Variants in CTNNA3 observed in about 807,000 individuals in gnomAD.
CTNNA3 encodes catenin alpha 3.
Under a neutral mutation model 95.7 loss-of-function variants are expected in CTNNA3, and 76 were observed. The observed-to-expected ratio is 0.79, with a 90% CI of 0.66 to 0.96. The LOEUF is 0.96. CTNNA3 is among the 40% of genes least tolerant of loss of function. The probability of loss-of-function intolerance (pLI) is 0.00; values close to 1 mark genes in which losing one functional copy is unlikely to be tolerated. For synonymous variants in CTNNA3, 431 were observed against 374.4 expected, an observed-to-expected ratio of 1.15 and a Z score of -1.74; for missense variants, 1,191 against 1,089.8, an observed-to-expected ratio of 1.09 and a Z score of -1.31.
intron 7 of CTNNA3, among the ~76,000 whole-genome samples, chr10:67,057,215 T>C (rs1855489522): frequency 6.6e-6 from 1 of 152,180 alleles, no homozygotes; most frequent in African/African-American, 2.4e-5. Flanking sequence ...GATATACATA[T>C]AAATTGTGAA....
At chr10:66,935,210 T>C (rs1847627207) in intron 7 of CTNNA3, among the ~76,000 whole-genome samples, 1 of 152,146 alleles carries the variant, frequency 6.6e-6, no homozygotes, top group Non-Finnish European at 1.5e-5. Flanking sequence ...TAAAGGAAAC[T>C]TGTAGAATGC....
intron 13 of CTNNA3, among the ~76,000 whole-genome samples, chr10:66,231,390 C>T (rs535133211): frequency 1.4e-4 from 21 of 152,150 alleles, no homozygotes; most frequent in African/African-American, 2.7e-4. Flanking sequence ...TTTACTGAAT[C>T]GTAAAGTGCT....
chr10:66,876,800 AC>A, intron 7 of CTNNA3, among the ~76,000 whole-genome samples: 1 of 152,218 alleles, frequency 6.6e-6, no homozygotes, highest in African/African-American at 2.4e-5. Context: ...GAGGAAAAAG[AC>A]AAGAAAGAGA....
chr10:66,708,161 G>T (rs1393040420), intron 9 of CTNNA3, among the ~76,000 whole-genome samples: 2 of 151,624 alleles, frequency 1.3e-5, no homozygotes, highest in Admixed American at 6.6e-5. Flanking sequence ...CTTTCCTGGG[G>T]AGCATAGTGT....
chr10:67,521,784 G>A, intron 5 of CTNNA3, 58 bp downstream of exon 5: 26 of 1,573,950 alleles, frequency 1.7e-5, no homozygotes, highest in Non-Finnish European at 2.1e-5. Context: ...CTGACAGGCA[G>A]GATGGCAGGA....
At chr10:66,923,907 T>A (rs1846925775) in intron 7 of CTNNA3, among the ~76,000 whole-genome samples, 1 of 152,254 alleles carries the variant, frequency 6.6e-6, no homozygotes, top group Non-Finnish European at 1.5e-5. Flanking sequence ...ATGTCTGCAA[T>A]GTGCCAAGTG....
chr10:67,414,211 G>C (rs576858628), intron 5 of CTNNA3, among the ~76,000 whole-genome samples: 2 of 151,836 alleles, frequency 1.3e-5, no homozygotes, highest in South Asian at 4.1e-4. Flanking sequence ...AAAAGAAAGA[G>C]ACTATCCAAA....
chr10:66,745,895 G>A (rs957564041), intron 9 of CTNNA3, among the ~76,000 whole-genome samples: 11 of 151,812 alleles, frequency 7.2e-5, no homozygotes, highest in Non-Finnish European at 1.5e-4. Context: ...CACAGCGCCC[G>A]GCCCACAGAC....
At position 65,966,612 on chromosome 10, in the gene CTNNA3, A is replaced by G. The variant is rs1157838371; in HGVS notation, c.2400T>C (p.Ala800=). The G allele has an allele frequency of 1.2e-6, 2 of 1,613,534 alleles. No homozygotes were observed. The highest frequency in any genetic ancestry group is 1.7e-6 in the Non-Finnish European group (2 of 1,179,586). The change falls in exon 17 of 18, where the codon GCT becomes GCC. Residue 800 remains alanine (A), a splice_region_variant and synonymous_variant. Transcript: ENST00000433211. The part of the protein sequence containing the change: ...QNLGGELIMS[A]LDSVTSLIQA... The stretch of plus-strand genomic sequence containing the variant: ...CATGTAAGTGCTAGGCAGTACTCAC[A>G]GCTGACATGATGAGCTCTCCTCCCA...
intron 1 of CTNNA3, among the ~76,000 whole-genome samples, chr10:67,731,194 G>T (rs1337965722): frequency 3.3e-5 from 5 of 152,146 alleles, no homozygotes; most frequent in Non-Finnish European, 1.5e-5. Flanking sequence ...AAGTTGGAAA[G>T]CATGGTGTAG....
chr10:66,212,016 G>T (rs2088199318), intron 13 of CTNNA3, among the ~76,000 whole-genome samples: 1 of 114,770 alleles, frequency 8.7e-6, no homozygotes, highest in African/African-American at 3.5e-5. Context: ...TTGAGACAGA[G>T]TCTCACTCTT....
intron 9 of CTNNA3, among the ~76,000 whole-genome samples, chr10:66,687,184 T>A (rs7896573): frequency 0.14 from 21,479 of 152,020 alleles, 1,969 homozygotes; most frequent in African/African-American, 0.25. Flanking sequence ...CCTATCTATA[T>A]AATAATATGG....
At chr10:67,439,596 C>T (rs961055430) in intron 5 of CTNNA3, among the ~76,000 whole-genome samples, 10 of 152,156 alleles carry the variant, frequency 6.6e-5, no homozygotes, top group Non-Finnish European at 1.5e-4. Context: ...TCACCTCCCA[C>T]TAGGCCCCCC....
chr10:66,273,612 C>T (rs754366308), intron 13 of CTNNA3, among the ~76,000 whole-genome samples: 13 of 151,932 alleles, frequency 8.6e-5, no homozygotes, highest in Admixed American at 5.3e-4. Flanking sequence ...TAATCAAAGG[C>T]GAGGCTAAAA....
intron 1 of CTNNA3, chr10:67,665,527 G>A (rs1041024584): frequency 6.6e-6 from 1 of 152,128 alleles, no homozygotes; most frequent in African/African-American, 2.4e-5. Flanking sequence ...TTAAAAGTTT[G>A]ACACTCCACT....
At chr10:66,310,584 GTT>G (rs10546201) in intron 12 of CTNNA3, among the ~76,000 whole-genome samples, 97,519 of 151,444 alleles carry the variant, frequency 0.64, 31,415 homozygotes, top group East Asian at 0.75. Context: ...TTTATTCTGT[GTT>G]TTCATCATGC....
chr10:66,253,429 C>G (rs2090636853), intron 13 of CTNNA3, among the ~76,000 whole-genome samples: 1 of 151,810 alleles, frequency 6.6e-6, no homozygotes, highest in Admixed American at 6.6e-5. Flanking sequence ...TTTACTATAC[C>G]ACAAGCTTCT....
chr10:66,813,545 AT>A (rs1283668371), intron 7 of CTNNA3, among the ~76,000 whole-genome samples: 1 of 152,194 alleles, frequency 6.6e-6, no homozygotes, highest in East Asian at 1.9e-4. Context: ...TAAAGAAGAA[AT>A]TCATATGTAA....
intron 5 of CTNNA3, among the ~76,000 whole-genome samples, chr10:67,373,763 G>A (rs1164621378): frequency 1.3e-5 from 2 of 152,184 alleles, no homozygotes; most frequent in Non-Finnish European, 2.9e-5. Context: ...TATATAAAGA[G>A]TCTCTGGAAA....
Sources: allele counts gnomAD v4.1 joint callset (sites outside exome capture counted in the v4.1 genomes callset), GRCh38; gene constraint gnomAD v4.1.1; transcripts MANE v1.5; gene names NCBI Gene and HGNC (gene_info 2026-07-23, HGNC 2026-07-21).